The following RAB3C variants were observed in gnomAD, a reference collection of about 807,000 sequenced individuals.
RAB3C encodes RAB3C, member RAS oncogene family, also known as ras-related protein Rab-3C.
Under a neutral mutation model 26.4 loss-of-function variants are expected in RAB3C, and 17 were observed. The ratio of observed to expected loss-of-function variants is 0.64; its 90% CI spans 0.44 to 0.97. The LOEUF is 0.97. Ranked by LOEUF, RAB3C falls within the 50% of genes least tolerant of loss-of-function variation. The pLI is 0.00. For synonymous variants in RAB3C, 91 were observed against 95.9 expected (o/e 0.95, Z 0.30); for missense variants, 242 against 281.9 (o/e 0.86, Z 1.01).
At chr5:58,606,027 G>T (rs1426321917) in intron 1 of RAB3C, among the ~76,000 whole-genome samples, 1 of 152,190 alleles carries the variant, frequency 6.6e-6, no homozygotes, top group Non-Finnish European at 1.5e-5. Flanking sequence ...GAGGTACCTG[G>T]TTCATCTCAT....
At chr5:58,748,815 T>G (rs1023057629) in intron 3 of RAB3C, among the ~76,000 whole-genome samples, 8 of 152,220 alleles carry the variant, frequency 5.3e-5, no homozygotes, top group Admixed American at 1.3e-4. Flanking sequence ...GTGGCTACAT[T>G]TCTCAGCTTC....
At chr5:58,694,245 C>T (rs1029877618) in intron 2 of RAB3C, among the ~76,000 whole-genome samples, 3 of 152,116 alleles carry the variant, frequency 2.0e-5, no homozygotes, top group African/African-American at 7.2e-5. Context: ...TCATCCATGT[C>T]CCTGCAAAGG....
intron 3 of RAB3C, among the ~76,000 whole-genome samples, chr5:58,726,638 A>C (rs1740897309): frequency 6.6e-6 from 1 of 151,986 alleles, no homozygotes; most frequent in Non-Finnish European, 1.5e-5. Flanking sequence ...CTGTCCATTT[A>C]TGAAAAAAGT....
chr5:58,798,410 C>T (rs1036543761), intron 3 of RAB3C, among the ~76,000 whole-genome samples: 10 of 152,106 alleles, frequency 6.6e-5, no homozygotes, highest in Admixed American at 2.0e-4. Context: ...TGATATGCCT[C>T]GTGATGGTTT....
intron 3 of RAB3C, among the ~76,000 whole-genome samples, chr5:58,732,167 T>A (rs985972433): frequency 6.6e-6 from 1 of 151,438 alleles, no homozygotes; most frequent in African/African-American, 2.4e-5. Context: ...TAGTTACATA[T>A]GTATACATGT....
intron 2 of RAB3C, among the ~76,000 whole-genome samples, chr5:58,631,724 G>A (rs1208202032): frequency 6.6e-6 from 1 of 152,280 alleles, no homozygotes; most frequent in Non-Finnish European, 1.5e-5. Flanking sequence ...AAAGGTAATA[G>A]TTTTGTTTTT....
chr5:58,813,852 C>T (rs1459153713), intron 3 of RAB3C, among the ~76,000 whole-genome samples: 1 of 88,160 alleles, frequency 1.1e-5, no homozygotes, highest in African/African-American at 6.2e-5. Context: ...ACCCATGGAG[C>T]AAGAATCAGA....
intron 2 of RAB3C, among the ~76,000 whole-genome samples, chr5:58,645,197 C>G (rs1271184304): frequency 6.6e-6 from 1 of 152,150 alleles, no homozygotes; most frequent in African/African-American, 2.4e-5. Context: ...ACACATTTCC[C>G]TCTGTAAGGT....
chr5:58,712,198 A>G (rs748569236), intron 2 of RAB3C, among the ~76,000 whole-genome samples: 5 of 152,020 alleles, frequency 3.3e-5, no homozygotes, highest in Non-Finnish European at 7.4e-5. Context: ...CTTCACACAC[A>G]ACCAGGCTCT....
intron 3 of RAB3C, among the ~76,000 whole-genome samples, chr5:58,748,432 T>C (rs1447865415): frequency 1.3e-5 from 2 of 152,198 alleles, no homozygotes; most frequent in Non-Finnish European, 2.9e-5. Context: ...TCATTGTGCA[T>C]GCAGTAATTA....
intron 3 of RAB3C, among the ~76,000 whole-genome samples, chr5:58,813,592 TTATATATATATATA>T (rs869039335): frequency 0.023 from 1,083 of 47,786 alleles, 18 homozygotes; most frequent in African/African-American, 0.065. Flanking sequence ...ATATTTATAT[TTATATATATATATA>T]TATATATATA....
chr5:58,807,635 C>G (rs1041043662), intron 3 of RAB3C, among the ~76,000 whole-genome samples: 1 of 152,058 alleles, frequency 6.6e-6, no homozygotes, highest in Non-Finnish European at 1.5e-5. Context: ...AGATTTATGT[C>G]TCTTCTTATA....
At chr5:58,725,105 T>C (rs1740858843) in intron 2 of RAB3C, among the ~76,000 whole-genome samples, 1 of 151,904 alleles carries the variant, frequency 6.6e-6, no homozygotes, top group Admixed American at 6.6e-5. Context: ...CCCTTTAGCA[T>C]TTGTAGATGG....
At position 58,848,779 on chromosome 5, in the gene RAB3C, A is replaced by C. The variant is rs1227341657; in HGVS notation, c.497-2385A>C. Among the ~76,000 whole-genome samples the C allele has an allele frequency of 2.6e-5, 4 of 152,314 alleles. No individual in the cohort carries two copies. In the East Asian group the frequency reaches 7.7e-4, roughly 29 times the overall value. On this transcript the variant is annotated intron_variant, in intron 4 of 4. Transcript: ENST00000282878. ...TAAGGCAAATGTCATAAATAAGGAAATTAAGGATTTTTTTTAAAGTGACTT... is the reference window on the plus strand; with the variant it reads ...TAAGGCAAATGTCATAAATAAGGAACTTAAGGATTTTTTTTAAAGTGACTT...
At chr5:58,775,048 G>T (rs1301955424) in intron 3 of RAB3C, among the ~76,000 whole-genome samples, 1 of 152,112 alleles carries the variant, frequency 6.6e-6, no homozygotes, top group Non-Finnish European at 1.5e-5. Context: ...TCTGTGTTAT[G>T]AATTGAGTAG....
intron 1 of RAB3C, among the ~76,000 whole-genome samples, chr5:58,595,772 T>C (rs1330950053): frequency 1.3e-5 from 2 of 152,112 alleles, no homozygotes; most frequent in Non-Finnish European, 2.9e-5. Flanking sequence ...AGAGAACAGG[T>C]ATTTGAAAAC....
At chr5:58,772,875 T>G (rs901764106) in intron 3 of RAB3C, among the ~76,000 whole-genome samples, 3 of 152,110 alleles carry the variant, frequency 2.0e-5, no homozygotes, top group Non-Finnish European at 4.4e-5. Flanking sequence ...TCTTTTTCAG[T>G]AACAAAGAAA....
At chr5:58,721,898 C>A (rs1579879055) in intron 2 of RAB3C, among the ~76,000 whole-genome samples, 1 of 151,656 alleles carries the variant, frequency 6.6e-6, no homozygotes, top group African/African-American at 2.4e-5. Context: ...AAGATCCTGC[C>A]CCTTGCTGTG....
chr5:58,618,030 T>C (rs147895114), intron 2 of RAB3C, among the ~76,000 whole-genome samples, 160 bp downstream of exon 2: 666 of 150,992 alleles, frequency 4.4e-3, no homozygotes, highest in Non-Finnish European at 7.4e-3. Context: ...AAAGTAGTGG[T>C]GATGCCTCTT....
Sources: allele counts gnomAD v4.1 joint callset (sites outside exome capture counted in the v4.1 genomes callset), GRCh38; gene constraint gnomAD v4.1.1; transcripts MANE v1.5; gene names NCBI Gene and HGNC (gene_info 2026-07-23, HGNC 2026-07-21).